EPHB1: variants seen among roughly 807,000 people sequenced by gnomAD.
EPHB1 encodes the protein EPH receptor B1, also known as ephrin type-B receptor 1.
A neutral mutation model predicts 94.4 loss-of-function variants in EPHB1; 30 were observed. That is an observed-to-expected ratio of 0.32 (90% CI 0.24 to 0.43). The LOEUF (loss-of-function observed/expected upper bound fraction) is 0.43, where lower values mean the gene tolerates loss of function less well. Among genes scored for constraint, EPHB1 ranks in the 20% least tolerant of loss-of-function variants. The pLI is 1.00. For synonymous variants in EPHB1, 522 were observed against 489.1 expected, an observed-to-expected ratio of 1.07 and a Z score of -0.89; for missense variants, 1,055 against 1,308.3, an observed-to-expected ratio of 0.81 and a Z score of 2.99.
intron 3 of EPHB1, among the ~76,000 whole-genome samples, chr3:135,066,458 C>G (rs1937581567): frequency 1.3e-5 from 2 of 152,190 alleles, no homozygotes; most frequent in South Asian, 2.1e-4. Flanking sequence ...TCTTCAAGCT[C>G]TGAATTTCTT....
At chr3:135,182,030 C>G (rs1216169881) in intron 10 of EPHB1, among the ~76,000 whole-genome samples, 1 of 152,190 alleles carries the variant, frequency 6.6e-6, no homozygotes, top group Non-Finnish European at 1.5e-5. Context: ...TTCAGAATAT[C>G]CCAGAGCGAA....
chr3:134,849,397 C>A (rs1482902311), intron 1 of EPHB1, among the ~76,000 whole-genome samples: 1 of 152,122 alleles, frequency 6.6e-6, no homozygotes, highest in Non-Finnish European at 1.5e-5. Flanking sequence ...GAGAAGAGTC[C>A]TTTTGGCTTT....
chr3:135,223,284 TG>T (rs1182345479), intron 12 of EPHB1, among the ~76,000 whole-genome samples: 1 of 152,230 alleles, frequency 6.6e-6, no homozygotes, highest in Non-Finnish European at 1.5e-5. Flanking sequence ...AGGGCACTGC[TG>T]GGTACTGGGG....
chr3:135,243,128 T>C (rs183279072), intron 13 of EPHB1, among the ~76,000 whole-genome samples: 64 of 151,780 alleles, frequency 4.2e-4, no homozygotes, highest in Non-Finnish European at 8.5e-4. Flanking sequence ...AGACCCATCT[T>C]ATCCTGCCCA....
intron 1 of EPHB1, among the ~76,000 whole-genome samples, chr3:134,860,150 G>GACACACACAC (rs10642036): frequency 7.0e-6 from 1 of 142,814 alleles, no homozygotes. Context: ...AGAAGGAAGG[G>GACACACACAC]ACACACACAC....
intron 3 of EPHB1, among the ~76,000 whole-genome samples, chr3:135,061,422 T>C (rs1278348561): frequency 7.5e-6 from 1 of 133,138 alleles, no homozygotes; most frequent in Non-Finnish European, 1.6e-5. Flanking sequence ...TGCTTTTGCA[T>C]CCTCATGGCT....
intron 6 of EPHB1, among the ~76,000 whole-genome samples, chr3:135,157,221 G>A (rs947669917): frequency 2.0e-5 from 3 of 152,188 alleles, no homozygotes; most frequent in African/African-American, 4.8e-5. Flanking sequence ...GAAAGAATAT[G>A]TTAGAGACCA....
chr3:135,055,184 C>A (rs1937312935), intron 3 of EPHB1, among the ~76,000 whole-genome samples: 1 of 152,186 alleles, frequency 6.6e-6, no homozygotes, highest in African/African-American at 2.4e-5. Context: ...GGTATAATAT[C>A]ATTTGCTAAA....
chr3:134,799,889 AG>A (rs1201553081), intron 1 of EPHB1, among the ~76,000 whole-genome samples: 2 of 152,188 alleles, frequency 1.3e-5, no homozygotes, highest in Admixed American at 1.3e-4. Context: ...ATAGGACCAA[AG>A]AAGAAGGGTG....
At chr3:134,912,829 C>A (rs1266605726) in intron 1 of EPHB1, among the ~76,000 whole-genome samples, 1 of 152,144 alleles carries the variant, frequency 6.6e-6, no homozygotes, top group East Asian at 1.9e-4. Flanking sequence ...GGTGGTAAGA[C>A]CCAGTTTTCT....
chr3:135,224,422 G>T (rs1472707531), intron 12 of EPHB1, among the ~76,000 whole-genome samples: 1 of 152,062 alleles, frequency 6.6e-6, no homozygotes, highest in Non-Finnish European at 1.5e-5. Flanking sequence ...TAAATGTTGT[G>T]TCCTTCCTAG....
At chr3:135,194,243 T>G (rs149270682) in intron 11 of EPHB1, among the ~76,000 whole-genome samples, 59 of 152,326 alleles carry the variant, frequency 3.9e-4, no homozygotes, top group Middle Eastern at 3.4e-3. Flanking sequence ...CTTGTTGTGT[T>G]CATCTTAGAC....
chr3:134,839,205 T>A (rs2036732579), intron 1 of EPHB1, among the ~76,000 whole-genome samples: 1 of 152,166 alleles, frequency 6.6e-6, no homozygotes, highest in African/African-American at 2.4e-5. Context: ...GGACCAGACT[T>A]GTCTTTCTTC....
intron 3 of EPHB1, among the ~76,000 whole-genome samples, chr3:135,006,323 C>A (rs750111466): frequency 2.0e-5 from 3 of 151,888 alleles, no homozygotes; most frequent in Non-Finnish European, 4.4e-5. Flanking sequence ...TTACTACGGG[C>A]AGATGGGGAG....
chr3:134,852,873 TGGGGTATCTGAGCCCTA>T, intron 1 of EPHB1, among the ~76,000 whole-genome samples: 2 of 152,118 alleles, frequency 1.3e-5, no homozygotes, highest in Middle Eastern at 6.8e-3. Flanking sequence ...TGGACCAGGT[TGGGGTATCTGAGCCCTA>T]GGGCTGACTG....
intron 1 of EPHB1, among the ~76,000 whole-genome samples, chr3:134,810,557 G>C (rs1008050949): frequency 1.3e-5 from 2 of 152,154 alleles, no homozygotes; most frequent in African/African-American, 4.8e-5. Flanking sequence ...TCTGGGAAAA[G>C]ACTGAGAGAA....
In EPHB1 at chr3:135,163,593, T is replaced by C. The variant is rs1214577139; in HGVS notation, c.1585+1413T>C. On this transcript the variant is annotated intron_variant, in intron 7 of 15. Coordinates refer to ENST00000398015, the MANE Select transcript of EPHB1 (RefSeq NM_004441.5). ...GTCCTCCACTTTGCACCTCACTTAC[T>C]GTCTAGATTTATAGGCACTCTGGCA... Among the ~76,000 whole-genome samples the C allele has an allele frequency of 3.9e-5, 6 of 152,206 alleles. No individual in the cohort carries two copies. In the East Asian group the frequency reaches 1.2e-3, roughly 29 times the overall value.
intron 3 of EPHB1, among the ~76,000 whole-genome samples, chr3:135,060,219 A>C (rs1315422468): frequency 2.6e-5 from 4 of 152,154 alleles, no homozygotes; most frequent in African/African-American, 9.7e-5. Context: ...CCATTGATCC[A>C]CTTTCTGTCC....
intron 6 of EPHB1, among the ~76,000 whole-genome samples, chr3:135,155,709 G>C (rs1941331142): frequency 1.5e-5 from 2 of 137,690 alleles, no homozygotes; most frequent in Admixed American, 1.5e-4. Flanking sequence ...AGAATCACTT[G>C]AACCCAGGAG....
Sources: gnomAD v4.1 joint callset for allele counts (sites outside exome capture counted in the v4.1 genomes callset) on GRCh38, gnomAD v4.1.1 for gene constraint, MANE v1.5 for transcripts, NCBI Gene and HGNC (gene_info 2026-07-23, HGNC 2026-07-21) for gene names.